Variants in PUM2 observed in about 807,000 individuals in gnomAD.
The protein encoded by PUM2 is pumilio homolog 2.
In PUM2, 57 loss-of-function variants were observed where a neutral mutation model predicts 124.5. The ratio of observed to expected loss-of-function variants is 0.46; its 90% CI spans 0.37 to 0.57. The LOEUF (loss-of-function observed/expected upper bound fraction) is 0.57. Among genes scored for constraint, PUM2 ranks in the 20% least tolerant of loss-of-function variants. The pLI is 0.00. For synonymous variants in PUM2, 460 were observed against 446.1 expected, an observed-to-expected ratio of 1.03 and a Z score of -0.39; for missense variants, 1,065 against 1,290.6, an observed-to-expected ratio of 0.83 and a Z score of 2.68.
At chr2:20,285,063 T>C (rs1293313030) in intron 10 of PUM2, among the ~76,000 whole-genome samples, 1 of 152,200 alleles carries the variant, frequency 6.6e-6, no homozygotes, top group Non-Finnish European at 1.5e-5. Flanking sequence ...GAATTAAAAA[T>C]AAAAGTAAAT....
chr2:20,260,230 T>A (rs1026120236), intron 15 of PUM2, 107 bp downstream of exon 15: 31 of 1,218,364 alleles, frequency 2.5e-5, no homozygotes, highest in Non-Finnish European at 3.3e-5. Context: ...CCTGGCTTAT[T>A]ATCTTTTTTT....
chr2:20,270,327 C>T (rs1016003702), intron 13 of PUM2, among the ~76,000 whole-genome samples: 3 of 152,170 alleles, frequency 2.0e-5, no homozygotes, highest in African/African-American at 7.2e-5. Flanking sequence ...TGGCCAGTTG[C>T]CTTTCTGATT....
At chr2:20,304,431 T>C (rs1176354301) in intron 7 of PUM2, among the ~76,000 whole-genome samples, 2 of 152,228 alleles carry the variant, frequency 1.3e-5, no homozygotes, top group Non-Finnish European at 2.9e-5. Context: ...AGTTTTAATA[T>C]TTTTAAATGG....
chr2:20,278,495 TTAAA>T (rs1670761475), intron 13 of PUM2, 84 bp downstream of exon 13: 1 of 1,128,962 alleles, frequency 8.9e-7, no homozygotes, highest in East Asian at 2.6e-5. Context: ...TTAACCAACA[TTAAA>T]TATTTTACAT....
At chr2:20,310,353 G>A (rs1028370828) in intron 5 of PUM2, among the ~76,000 whole-genome samples, 5 of 151,942 alleles carry the variant, frequency 3.3e-5, no homozygotes, top group African/African-American at 1.2e-4. Context: ...CTCGTATATA[G>A]CAAAAATAGA....
At chr2:20,310,795 T>C (rs919667241) in intron 5 of PUM2, among the ~76,000 whole-genome samples, 4 of 152,010 alleles carry the variant, frequency 2.6e-5, no homozygotes, top group East Asian at 1.9e-4. Context: ...CACCTCATTA[T>C]TGAAATACTA....
At chr2:20,294,348 G>T in intron 9 of PUM2, 28 bp downstream of exon 9, 2 of 1,606,412 alleles carry the variant, frequency 1.2e-6, no homozygotes, top group East Asian at 4.5e-5. Context: ...AAGAATACTT[G>T]GTATTACTTA....
intron 7 of PUM2, among the ~76,000 whole-genome samples, chr2:20,299,055 C>G (rs1410715343): frequency 6.6e-6 from 1 of 152,112 alleles, no homozygotes; most frequent in African/African-American, 2.4e-5. Context: ...TCATAATAAA[C>G]CAGTAAAAGT....
At chr2:20,283,750 C>T (rs909615083) in intron 10 of PUM2, among the ~76,000 whole-genome samples, 10 of 151,794 alleles carry the variant, frequency 6.6e-5, no homozygotes, top group African/African-American at 2.2e-4. Context: ...AATATAGAAA[C>T]TACAGGCTAT....
At chr2:20,310,069 T>C (rs1158606910) in intron 5 of PUM2, among the ~76,000 whole-genome samples, 1 of 152,130 alleles carries the variant, frequency 6.6e-6, no homozygotes, top group Non-Finnish European at 1.5e-5. Flanking sequence ...AATAGTTCTT[T>C]TACTCATTTC....
chr2:20,308,387 T>C lies in PUM2; in HGVS notation c.716A>G (p.Tyr239Cys), dbSNP rs749121881. 36 of 1,613,996 alleles carry C rather than the reference T, an allele frequency of 2.2e-5. No individual in the cohort carries two copies. The highest frequency in any genetic ancestry group is 1.2e-4 in the Admixed American group (7 of 60,004). The change falls in exon 6 of 21, where the codon TAT becomes TGT. Residue 239 changes from tyrosine (Y) to cysteine (C), a missense_variant. This residue lies in a region of PUM2 where 968 missense variants were observed against 1,159.8 expected (regional missense o/e 0.83). Coordinates refer to ENST00000361078, the MANE Select transcript of PUM2 (RefSeq NM_015317.5). ...QVGLESLQFD[Y>C]PGNQVPMDSS... ...GTCCATTGGTACCTGATTACCAGGA[T>C]AGTCAAACTGTAAGGATTCCAGACC...
intron 16 of PUM2, among the ~76,000 whole-genome samples, chr2:20,257,919 C>T (rs1040394804): frequency 6.6e-6 from 1 of 152,048 alleles, no homozygotes; most frequent in Non-Finnish European, 1.5e-5. Flanking sequence ...ATAATAGAAA[C>T]ATTAGACACC....
chr2:20,269,447 T>C (rs1296238547), intron 13 of PUM2, among the ~76,000 whole-genome samples: 2 of 152,118 alleles, frequency 1.3e-5, no homozygotes, highest in Non-Finnish European at 2.9e-5. Context: ...GTGATCCACC[T>C]GCCTTGGCCT....
chr2:20,329,329 G>A (rs1173991832), intron 1 of PUM2, among the ~76,000 whole-genome samples: 1 of 150,914 alleles, frequency 6.6e-6, no homozygotes, highest in East Asian at 2.0e-4. Context: ...CTACTCGGGA[G>A]GCTGAGGTGG....
chr2:20,285,587 A>T (rs149707616), intron 10 of PUM2, among the ~76,000 whole-genome samples: 1 of 152,186 alleles, frequency 6.6e-6, no homozygotes, highest in East Asian at 1.9e-4. Flanking sequence ...TCACAGCATG[A>T]TATTTTTTCC....
intron 10 of PUM2, among the ~76,000 whole-genome samples, chr2:20,287,680 G>A (rs1360327317): frequency 6.6e-6 from 1 of 152,154 alleles, no homozygotes; most frequent in African/African-American, 2.4e-5. Flanking sequence ...TTGAGGCCAG[G>A]AGTTCAAGAC....
chr2:20,298,183 T>C (rs1676087886), intron 7 of PUM2, among the ~76,000 whole-genome samples: 2 of 152,204 alleles, frequency 1.3e-5, no homozygotes, highest in Non-Finnish European at 2.9e-5. Flanking sequence ...CAATATAGCA[T>C]ATTAAGTGCT....
chr2:20,347,801 C>A (rs1289255439), intron 1 of PUM2, among the ~76,000 whole-genome samples: 3 of 152,164 alleles, frequency 2.0e-5, no homozygotes, highest in Non-Finnish European at 4.4e-5. Flanking sequence ...AACCCAGTCA[C>A]AAGTAGCACT....
intron 1 of PUM2, among the ~76,000 whole-genome samples, chr2:20,344,297 AG>A (rs1024179176): frequency 6.6e-6 from 1 of 152,158 alleles, no homozygotes; most frequent in Non-Finnish European, 1.5e-5. Flanking sequence ...CAAATGCCTG[AG>A]CTCAAGCAGT....
Sources: gnomAD v4.1 joint callset for allele counts (sites outside exome capture counted in the v4.1 genomes callset) on GRCh38, gnomAD v4.1.1 for gene constraint, gnomAD v4.1.1 regional missense constraint, MANE v1.5 for transcripts, NCBI Gene and HGNC (gene_info 2026-07-23, HGNC 2026-07-21) for gene names.